The following TCF4 variants were observed in gnomAD, a reference collection of about 807,000 sequenced individuals.
TCF4 encodes the protein SL3-3 enhancer factor 2.
TCF4 carries 3 observed loss-of-function variants against 82.1 expected under a neutral mutation model. That is an observed-to-expected ratio of 0.04 (90% CI 0.02 to 0.09). The LOEUF is 0.09. Ranked by LOEUF, TCF4 falls within the 10% of genes least tolerant of loss-of-function variation. TCF4 has a pLI of 1.00. For missense variants in TCF4, 518 were observed against 852.7 expected (o/e 0.61, Z 4.89); for synonymous variants, 276 against 309.6 (o/e 0.89, Z 1.14).
chr18:55,410,284 T>G (rs28370888), intron 5 of TCF4, among the ~76,000 whole-genome samples: 1 of 152,170 alleles, frequency 6.6e-6, no homozygotes, highest in Non-Finnish European at 1.5e-5. Flanking sequence ...TGGGGAGTTT[T>G]GGCTGCATTT....
At chr18:55,255,332 A>C (rs2056515584) in intron 14 of TCF4, among the ~76,000 whole-genome samples, 1 of 152,180 alleles carries the variant, frequency 6.6e-6, no homozygotes, top group African/African-American at 2.4e-5. Flanking sequence ...AATTCTGTCA[A>C]CTAAAGTAGT....
At chr18:55,291,312 T>C (rs1489416002) in intron 8 of TCF4, among the ~76,000 whole-genome samples, 1 of 152,212 alleles carries the variant, frequency 6.6e-6, no homozygotes, top group East Asian at 1.9e-4. Context: ...CTAATAGTGC[T>C]AAGTAGAGTT....
rs1345716330 is a variant in TCF4 at position 55,362,338 on chromosome 18, AGAGG to A, written c.370-11339_370-11336del. Reference sequence around the variant, plus strand: ...CTCCAAAAACAAAAACAAAAAAAAAAGAGGAAGGAAGGAAGGAAGGAAGGAAGGA... The same window carrying A: ...CTCCAAAAACAAAAACAAAAAAAAAAAAGGAAGGAAGGAAGGAAGGAAGGA... On this transcript the variant is annotated intron_variant, in intron 6 of 19. Transcript: ENST00000354452. 1.1e-3 allele frequency among the ~76,000 whole-genome samples: 104 copies of A among 98,602 alleles called. 2 individuals carry two copies. The highest frequency in any genetic ancestry group is 1.4e-3 in the Admixed American group (13 of 9,208). The allele number at this position is 98,602 out of a possible 152,430, so 64.7% of individuals were successfully genotyped here.
At chr18:55,310,419 G>A (rs1381055466) in intron 8 of TCF4, among the ~76,000 whole-genome samples, 1 of 152,190 alleles carries the variant, frequency 6.6e-6, no homozygotes, top group East Asian at 1.9e-4. Flanking sequence ...AAGTTACTGT[G>A]AGGCTTGGCA....
At chr18:55,407,403 T>C (rs2094144745) in intron 5 of TCF4, among the ~76,000 whole-genome samples, 1 of 152,166 alleles carries the variant, frequency 6.6e-6, no homozygotes, top group Non-Finnish European at 1.5e-5. Flanking sequence ...CATCCGTCAA[T>C]CAATCCTTCT....
intron 6 of TCF4, among the ~76,000 whole-genome samples, chr18:55,358,933 T>C (rs572897272): frequency 1.6e-4 from 24 of 152,340 alleles, no homozygotes; most frequent in African/African-American, 5.8e-4. Context: ...GCAAAGTTCC[T>C]AGCACTTACT....
At chr18:55,319,779 G>A (rs1248140856) in intron 8 of TCF4, among the ~76,000 whole-genome samples, 1 of 152,032 alleles carries the variant, frequency 6.6e-6, no homozygotes, top group Non-Finnish European at 1.5e-5. Context: ...GGAGGCAACT[G>A]GCAAGCTGTG....
At chr18:55,490,264 A>G (rs972091892) in intron 3 of TCF4, among the ~76,000 whole-genome samples, 72 of 152,182 alleles carry the variant, frequency 4.7e-4, no homozygotes, top group African/African-American at 1.7e-3. Context: ...AGGCAGATTC[A>G]AGATATTTTT....
At chr18:55,276,369 T>C (rs934152988) in intron 9 of TCF4, among the ~76,000 whole-genome samples, 3 of 152,198 alleles carry the variant, frequency 2.0e-5, no homozygotes, top group African/African-American at 2.4e-5. Context: ...AAACCTTCAG[T>C]AGCAATCCAA....
chr18:55,402,776 T>C (rs2093898862), intron 6 of TCF4, among the ~76,000 whole-genome samples: 1 of 152,216 alleles, frequency 6.6e-6, no homozygotes, highest in Non-Finnish European at 1.5e-5. Context: ...CTGGAGAGTT[T>C]AAAGTATACA....
At chr18:55,380,325 T>C (rs547233662) in intron 6 of TCF4, among the ~76,000 whole-genome samples, 2 of 152,144 alleles carry the variant, frequency 1.3e-5, no homozygotes, top group African/African-American at 4.8e-5. Flanking sequence ...AATGTGCAGG[T>C]TTGTTACATG....
At chr18:55,293,930 A>AATTTTTTT (rs1568769774) in intron 8 of TCF4, among the ~76,000 whole-genome samples, 7 of 22,656 alleles carry the variant, frequency 3.1e-4, no homozygotes, top group African/African-American at 7.5e-4. Flanking sequence ...CTTTCCAAGG[A>AATTTTTTT]CTTTTTTTTT....
chr18:55,278,039 T>A (rs528246975), intron 9 of TCF4, among the ~76,000 whole-genome samples: 1 of 152,290 alleles, frequency 6.6e-6, no homozygotes, highest in East Asian at 1.9e-4. Flanking sequence ...ACGGGCTCTA[T>A]TATGCGTGGA....
intron 3 of TCF4, among the ~76,000 whole-genome samples, chr18:55,480,631 C>G (rs988504854): frequency 6.6e-6 from 1 of 152,216 alleles, no homozygotes; most frequent in Admixed American, 6.5e-5. Context: ...TACACCTCAA[C>G]ATTTTTCATG....
chr18:55,275,961 C>A (rs1349613183), intron 9 of TCF4, among the ~76,000 whole-genome samples: 1 of 152,090 alleles, frequency 6.6e-6, no homozygotes, highest in African/African-American at 2.4e-5. Context: ...TTAAAGTGTT[C>A]TTGGTAAAAA....
chr18:55,302,618 A>G, intron 8 of TCF4: 1 of 1,520,824 alleles, frequency 6.6e-7, no homozygotes, highest in Non-Finnish European at 8.8e-7. Flanking sequence ...TGCTGGATAT[A>G]TGAAACTCAG....
At chr18:55,395,693 A>G (rs1440532701) in intron 6 of TCF4, among the ~76,000 whole-genome samples, 1 of 151,962 alleles carries the variant, frequency 6.6e-6, no homozygotes, top group Non-Finnish European at 1.5e-5. Flanking sequence ...TGGAACAATA[A>G]TGTGATCTAT....
At chr18:55,337,784 T>C (rs1271065065) in intron 8 of TCF4, among the ~76,000 whole-genome samples, 1 of 152,066 alleles carries the variant, frequency 6.6e-6, no homozygotes, top group Non-Finnish European at 1.5e-5. Flanking sequence ...AGAACCTGAT[T>C]CCCCTAAGAC....
In TCF4 at chr18:55,228,079, G is replaced by T. The variant is rs140065616; in HGVS notation, c.*5-49C>A. On this transcript the variant is annotated intron_variant, in intron 19 of 19. Coordinates refer to ENST00000354452, the MANE Select transcript of TCF4 (RefSeq NM_001083962.2). ...AAAATTCATTAATATATTTGTAACA[G>T]AAAAAGTATGCTTTTTTTAAAAAAA... is the stretch of plus-strand genomic sequence containing the variant. 8.2e-5 allele frequency: 89 copies of T among 1,080,074 alleles called. No individual in the cohort carries two copies. The African/African-American group carries it at 1.2e-3, about 14-fold the overall frequency. The allele number at this position is 1,080,074 out of a possible 1,614,324, so 66.9% of individuals were successfully genotyped here.
Sources: allele counts gnomAD v4.1 joint callset (sites outside exome capture counted in the v4.1 genomes callset), GRCh38; gene constraint gnomAD v4.1.1; transcripts MANE v1.5; gene names NCBI Gene and HGNC (gene_info 2026-07-23, HGNC 2026-07-21).